The following ROR1 variants were observed in gnomAD, a reference collection of about 807,000 sequenced individuals.
The protein encoded by ROR1 is ROR family WNT receptor 1.
ROR1 carries 19 observed loss-of-function variants against 78.8 expected under a neutral mutation model. That is an observed-to-expected ratio of 0.24 (90% confidence interval 0.17 to 0.35). ROR1 has a LOEUF of 0.35. ROR1 is among the 10% of genes least tolerant of loss of function. ROR1 has a pLI of 1.00. For synonymous variants in ROR1, 386 were observed against 433.6 expected, an observed-to-expected ratio of 0.89 and a Z score of 1.36; for missense variants, 917 against 1,177.8, an observed-to-expected ratio of 0.78 and a Z score of 3.24.
intron 1 of ROR1, among the ~76,000 whole-genome samples, chr1:63,880,168 T>C (rs1645313676): frequency 6.6e-6 from 1 of 152,160 alleles, no homozygotes; most frequent in South Asian, 2.1e-4. Context: ...AAGAATTAAA[T>C]GTGATGATGC....
chr1:64,173,253 A>T (rs770433371), intron 8 of ROR1, among the ~76,000 whole-genome samples: 1 of 152,070 alleles, frequency 6.6e-6, no homozygotes, highest in African/African-American at 2.4e-5. Flanking sequence ...AAACCCCCCA[A>T]ATTTAGTTTT....
At chr1:64,087,099 A>G (rs1001436748) in intron 4 of ROR1, among the ~76,000 whole-genome samples, 2 of 152,364 alleles carry the variant, frequency 1.3e-5, no homozygotes, top group Non-Finnish European at 1.5e-5. Context: ...TACATGATAC[A>G]TAAGGTGAAT....
At chr1:64,002,876 G>A (rs1646396623) in intron 1 of ROR1, among the ~76,000 whole-genome samples, 2 of 152,126 alleles carry the variant, frequency 1.3e-5, no homozygotes. Flanking sequence ...AGTTCCACAG[G>A]GGACCTCTGG....
At chr1:64,134,666 C>T (rs1335234234) in intron 4 of ROR1, among the ~76,000 whole-genome samples, 1 of 151,986 alleles carries the variant, frequency 6.6e-6, no homozygotes, top group African/African-American at 2.4e-5. Context: ...AAGCCTCATC[C>T]CCAGAGACTA....
chr1:64,018,919 C>T (rs1286909561), intron 2 of ROR1, among the ~76,000 whole-genome samples: 3 of 152,148 alleles, frequency 2.0e-5, no homozygotes, highest in African/African-American at 7.2e-5. Context: ...CTATTCCCCT[C>T]CATTGTTACC....
At chr1:63,999,158 A>G (rs149146512) in intron 1 of ROR1, among the ~76,000 whole-genome samples, 2 of 152,354 alleles carry the variant, frequency 1.3e-5, no homozygotes, top group African/African-American at 4.8e-5. Flanking sequence ...AGGCCAAATC[A>G]CTAAAACTGA....
intron 4 of ROR1, among the ~76,000 whole-genome samples, chr1:64,112,662 TTTG>T (rs1648152490): frequency 6.6e-6 from 1 of 152,192 alleles, no homozygotes; most frequent in Non-Finnish European, 1.5e-5. Flanking sequence ...TTTAGTGTGC[TTTG>T]TTGACTTCTC....
chr1:63,987,146 C>T (rs546233930), intron 1 of ROR1, among the ~76,000 whole-genome samples: 71 of 152,080 alleles, frequency 4.7e-4, no homozygotes, highest in Non-Finnish European at 9.0e-4. Context: ...CAATTAGAGC[C>T]TACAGAAACA....
At chr1:63,871,538 A>G (rs1380555590) in intron 1 of ROR1, among the ~76,000 whole-genome samples, 1 of 152,184 alleles carries the variant, frequency 6.6e-6, no homozygotes, top group Non-Finnish European at 1.5e-5. Flanking sequence ...ATGTGTTATC[A>G]CTGCCAAGCA....
At chr1:64,092,986 G>A (rs950466001) in intron 4 of ROR1, among the ~76,000 whole-genome samples, 1 of 152,164 alleles carries the variant, frequency 6.6e-6, no homozygotes, top group Non-Finnish European at 1.5e-5. Flanking sequence ...TTACCACACA[G>A]GGCCAACTGT....
chr1:63,937,530 C>A (rs960528012), intron 1 of ROR1, among the ~76,000 whole-genome samples: 4 of 151,690 alleles, frequency 2.6e-5, no homozygotes, highest in African/African-American at 9.7e-5. Context: ...ATGGCTGAAT[C>A]ATTTATACAT....
chr1:64,019,209 A>G lies in ROR1; in HGVS notation c.163+9833A>G, dbSNP rs76767142. On this transcript the variant is annotated intron_variant, in intron 2 of 8. Coordinates refer to ENST00000371079, the MANE Select transcript of ROR1 (RefSeq NM_005012.4). ...AACCTGCCTTGTAGTTTGACTCTTC[A>G]TGATATTCTAACAAGTGATTAATAC... is the stretch of plus-strand genomic sequence containing the variant. 1.1e-3 allele frequency among the ~76,000 whole-genome samples: 160 copies of G among 152,334 alleles called. 2 individuals carry two copies. In the East Asian group the frequency reaches 0.027, roughly 25 times the overall value.
intron 1 of ROR1, among the ~76,000 whole-genome samples, chr1:63,915,618 CT>C (rs1392074519): frequency 2.0e-5 from 3 of 152,134 alleles, no homozygotes; most frequent in African/African-American, 4.8e-5. Flanking sequence ...CCTCTGCCCC[CT>C]ATCCTTGGTC....
intron 4 of ROR1, among the ~76,000 whole-genome samples, chr1:64,135,559 G>A (rs1348255938): frequency 6.6e-6 from 1 of 152,110 alleles, no homozygotes; most frequent in Non-Finnish European, 1.5e-5. Flanking sequence ...AGGTTTCCAA[G>A]ATCCAAGTGT....
intron 6 of ROR1, 148 bp from the exon 7 acceptor site, chr1:64,142,257 G>A: frequency 7.7e-7 from 1 of 1,302,372 alleles, no homozygotes; most frequent in Non-Finnish European, 1.0e-6. Flanking sequence ...AAAGCAGGGA[G>A]ACTGTCCTGC....
At position 64,110,092 on chromosome 1, in the gene ROR1, G is replaced by C. The variant is rs553814843; in HGVS notation, c.483-27277G>C. Reference sequence around the variant, plus strand: ...TAGCACTATCTGTTCCATGAGGCCAGGTATTGTCCATATGTACAATAGGAA... The same window carrying C: ...TAGCACTATCTGTTCCATGAGGCCACGTATTGTCCATATGTACAATAGGAA... On this transcript the variant is annotated intron_variant, in intron 4 of 8. Coordinates refer to ENST00000371079, the MANE Select transcript of ROR1 (RefSeq NM_005012.4). 1.6e-4 allele frequency among the ~76,000 whole-genome samples: 25 copies of C among 152,198 alleles called. 1 individual carries two copies. The highest frequency in any genetic ancestry group is 1.2e-3 in the Admixed American group (19 of 15,286).
At chr1:64,150,250 T>A (rs983203103) in intron 7 of ROR1, among the ~76,000 whole-genome samples, 23 of 151,888 alleles carry the variant, frequency 1.5e-4, no homozygotes, top group African/African-American at 4.9e-4. Flanking sequence ...AGAGTATCCA[T>A]GATAAGAAAA....
intron 1 of ROR1, among the ~76,000 whole-genome samples, chr1:63,799,858 T>C (rs992926439): frequency 1.3e-5 from 2 of 152,216 alleles, no homozygotes; most frequent in African/African-American, 2.4e-5. Context: ...GCTCAAGTTT[T>C]TATGGCAGAC....
intron 4 of ROR1, among the ~76,000 whole-genome samples, chr1:64,128,065 A>G (rs961665262): frequency 6.6e-6 from 1 of 152,170 alleles, no homozygotes; most frequent in Non-Finnish European, 1.5e-5. Context: ...GTCAAATTCA[A>G]GAATTCCTTT....
Sources: allele counts gnomAD v4.1 joint callset (sites outside exome capture counted in the v4.1 genomes callset), GRCh38; gene constraint gnomAD v4.1.1; transcripts MANE v1.5; gene names NCBI Gene and HGNC (gene_info 2026-07-23, HGNC 2026-07-21).